ABTB3: variants seen among roughly 807,000 people sequenced by gnomAD.
ABTB3 encodes the protein ankyrin repeat and BTB domain containing 3.
chr12:107,427,993 C>T, the ABTB3 span, among the ~76,000 whole-genome samples: 21 of 152,294 alleles, frequency 1.4e-4, no homozygotes, highest in East Asian at 9.7e-4. Context: ...CAGCCTTAAA[C>T]GCCTTGCCCT....
chr12:107,377,324 C>T, the ABTB3 span, among the ~76,000 whole-genome samples: 1 of 152,164 alleles, frequency 6.6e-6, no homozygotes, highest in South Asian at 2.1e-4. Context: ...TCTAACTTCT[C>T]CCTCTGTCCG....
At chr12:107,611,219 T>C in the ABTB3 span, among the ~76,000 whole-genome samples, 1,239 of 151,734 alleles carry the variant, frequency 8.2e-3, 12 homozygotes, top group Middle Eastern at 0.061. Context: ...TTGAATATTC[T>C]TTTTTTTTAA....
At chr12:107,472,690 G>A in the ABTB3 span, among the ~76,000 whole-genome samples, 2 of 152,302 alleles carry the variant, frequency 1.3e-5, no homozygotes, top group East Asian at 1.9e-4. Context: ...TATCAGCACC[G>A]CGCCAAGTGG....
the ABTB3 span, among the ~76,000 whole-genome samples, chr12:107,377,172 C>T: frequency 6.6e-6 from 1 of 152,180 alleles, no homozygotes; most frequent in African/African-American, 2.4e-5. Context: ...TCTCCCTAGG[C>T]AGCCCATGTC....
chr12:107,369,784 T>TAA, the ABTB3 span, among the ~76,000 whole-genome samples: 1 of 122,122 alleles, frequency 8.2e-6, no homozygotes, highest in African/African-American at 3.1e-5. Flanking sequence ...GTTCAAGAAA[T>TAA]AAAACAGAAT....
the ABTB3 span, among the ~76,000 whole-genome samples, chr12:107,488,552 C>T: frequency 6.6e-6 from 1 of 151,904 alleles, no homozygotes. Context: ...TGCATAGAAC[C>T]TCATAAGCCA....
At chr12:107,633,115 G>A in the ABTB3 span, among the ~76,000 whole-genome samples, 2 of 152,208 alleles carry the variant, frequency 1.3e-5, no homozygotes, top group African/African-American at 4.8e-5. Context: ...GCTCTTGAAT[G>A]TTTGTCCCCC....
chr12:107,413,280 T>TA, the ABTB3 span, among the ~76,000 whole-genome samples: 65 of 145,492 alleles, frequency 4.5e-4, no homozygotes, highest in African/African-American at 8.6e-4. Context: ...TCTCAAAAAA[T>TA]AAAAAAAAAA....
the ABTB3 span, among the ~76,000 whole-genome samples, chr12:107,581,570 T>C: frequency 5.3e-5 from 8 of 152,340 alleles, no homozygotes; most frequent in African/African-American, 1.9e-4. Context: ...TCTCTGGCTG[T>C]TCTCTCTGCG....
At chr12:107,443,651 T>C in the ABTB3 span, among the ~76,000 whole-genome samples, 1 of 152,152 alleles carries the variant, frequency 6.6e-6, no homozygotes, top group East Asian at 1.9e-4. Context: ...TGTAGTGCCT[T>C]GGAAAGAACT....
At chr12:107,333,798 C>G in the ABTB3 span, among the ~76,000 whole-genome samples, 2 of 152,088 alleles carry the variant, frequency 1.3e-5, no homozygotes, top group East Asian at 3.8e-4. Context: ...ACTAAACACA[C>G]TGAATAAGTA....
At chr12:107,342,451 G>A in the ABTB3 span, among the ~76,000 whole-genome samples, 5 of 152,030 alleles carry the variant, frequency 3.3e-5, no homozygotes, top group African/African-American at 1.2e-4. Context: ...TCCCACACTG[G>A]CCAGAGCTGT....
chr12:107,347,575 G>A, the ABTB3 span, among the ~76,000 whole-genome samples: 1 of 152,070 alleles, frequency 6.6e-6, no homozygotes, highest in Non-Finnish European at 1.5e-5. Flanking sequence ...TCTCCACAGG[G>A]CCTGGGCTTC....
At chr12:107,635,870 C>CCACACA in the ABTB3 span, among the ~76,000 whole-genome samples, 30 of 115,232 alleles carry the variant, frequency 2.6e-4, no homozygotes, top group Admixed American at 7.5e-4. Context: ...CCCCACCCAC[C>CCACACA]CACACACACA....
At chr12:107,407,303 G>A in the ABTB3 span, among the ~76,000 whole-genome samples, 4 of 152,180 alleles carry the variant, frequency 2.6e-5, no homozygotes, top group African/African-American at 4.8e-5. Flanking sequence ...TTTGCTGCAC[G>A]ACAAATCACT....
chr12:107,646,221 A>G, the ABTB3 span, among the ~76,000 whole-genome samples: 1 of 152,238 alleles, frequency 6.6e-6, no homozygotes, highest in Non-Finnish European at 1.5e-5. Flanking sequence ...CCATTAGCCT[A>G]ATAAGCGTTT....
chr12:107,588,709 C>T, the ABTB3 span, among the ~76,000 whole-genome samples: 2 of 152,114 alleles, frequency 1.3e-5, no homozygotes, highest in Admixed American at 6.5e-5. Flanking sequence ...TTAGTAGAGA[C>T]GGGATTTTGC....
chr12:107,572,285 T>C, the ABTB3 span, among the ~76,000 whole-genome samples: 121 of 151,992 alleles, frequency 8.0e-4, 3 homozygotes, highest in East Asian at 0.021. Flanking sequence ...ATGGACTCTC[T>C]CCTAGATCTC....
At chr12:107,476,360 A>G in the ABTB3 span, among the ~76,000 whole-genome samples, 1 of 151,868 alleles carries the variant, frequency 6.6e-6, no homozygotes, top group South Asian at 2.1e-4. Flanking sequence ...GAAGGTGAGC[A>G]TCTCGGAGGC....
Sources: allele counts gnomAD v4.1 joint callset (sites outside exome capture counted in the v4.1 genomes callset), GRCh38; gene constraint gnomAD v4.1.1; transcripts MANE v1.5; gene names NCBI Gene and HGNC (gene_info 2026-07-23, HGNC 2026-07-21).